Variants in ST6GALNAC3 observed in about 807,000 individuals in gnomAD.
ST6GALNAC3 encodes the protein alpha-N-acetylgalactosaminide alpha-2,6-sialyltransferase 3.
ST6GALNAC3 carries 25 observed loss-of-function variants against 32.7 expected under a neutral mutation model. That is an observed-to-expected ratio of 0.76 (90% CI 0.56 to 1.07). ST6GALNAC3 has a LOEUF of 1.07. Among genes scored for constraint, ST6GALNAC3 ranks in the 50% least tolerant of loss-of-function variants. ST6GALNAC3 has a pLI of 0.00. For missense variants in ST6GALNAC3, 355 were observed against 382.4 expected, an observed-to-expected ratio of 0.93 and a Z score of 0.60; for synonymous variants, 129 against 133.1, an observed-to-expected ratio of 0.97 and a Z score of 0.21.
At position 76,629,585 on chromosome 1, in the gene ST6GALNAC3, T is replaced by C; in HGVS notation, c.*779T>C. On this transcript the variant is annotated 3_prime_UTR_variant, in exon 5 of 5. Coordinates refer to ENST00000328299, the MANE Select transcript of ST6GALNAC3 (RefSeq NM_152996.4). ...TAGTTATTTTTGGTTGAGTGCTAAA[T>C]ATTTCAGAAGGCTACTTAACATGTA... The C allele has an allele frequency of 2.0e-6, 2 of 984,632 alleles. No individual in the cohort carries two copies. Among genetic ancestry groups the C allele is most frequent in the East Asian group, 1.1e-4 (1 of 8,800 alleles). The allele number at this position is 984,632 out of a possible 1,614,324, so 61.0% of individuals were successfully genotyped here. A position where few individuals can be genotyped will look rare whatever the true frequency, so the allele number is the denominator to read the frequency against.
intron 2 of ST6GALNAC3, among the ~76,000 whole-genome samples, chr1:76,349,819 T>A (rs913080280): frequency 4.6e-5 from 7 of 152,192 alleles, no homozygotes; most frequent in Admixed American, 2.0e-4. Context: ...TCTTTCTAGG[T>A]TTAAATAACA....
At chr1:76,077,200 G>A (rs1646828892) in intron 1 of ST6GALNAC3, among the ~76,000 whole-genome samples, 1 of 151,960 alleles carries the variant, frequency 6.6e-6, no homozygotes, top group Non-Finnish European at 1.5e-5. Flanking sequence ...CCTTGTTGAA[G>A]TGTTCATAGA....
At position 76,629,036 on chromosome 1, in the gene ST6GALNAC3, C is replaced by T. The variant is rs1026558562; in HGVS notation, c.*230C>T. 71 of 1,287,000 alleles carry T rather than the reference C, an allele frequency of 5.5e-5. No individual in the cohort carries two copies. The highest frequency in any genetic ancestry group is 6.2e-5 in the Non-Finnish European group (63 of 1,020,278). 79.7% of individuals were successfully genotyped at this position (1,287,000 alleles called of 1,614,324 possible). A position where few individuals can be genotyped will look rare whatever the true frequency, so the allele number is the denominator to read the frequency against. On this transcript the variant is annotated 3_prime_UTR_variant, in exon 5 of 5. Transcript: ENST00000328299. ...TTTCTGGAGGTTCAACACTACGTAC[C>T]GCACTTTATAATTTAACTGGAATTG...
intron 1 of ST6GALNAC3, among the ~76,000 whole-genome samples, chr1:76,196,218 G>A (rs2100522902): frequency 6.6e-6 from 1 of 152,278 alleles, no homozygotes; most frequent in Non-Finnish European, 1.5e-5. Context: ...TTACACTTCA[G>A]TCAGCAGCAG....
intron 1 of ST6GALNAC3, among the ~76,000 whole-genome samples, chr1:76,282,728 C>T (rs1055162838): frequency 3.3e-5 from 5 of 151,992 alleles, no homozygotes; most frequent in Admixed American, 6.6e-5. Flanking sequence ...GTATAAAACC[C>T]ATAGAAGTGT....
chr1:76,619,510 C>T (rs1379415472), intron 3 of ST6GALNAC3, among the ~76,000 whole-genome samples: 2 of 152,080 alleles, frequency 1.3e-5, no homozygotes, highest in Non-Finnish European at 2.9e-5. Context: ...GTTTACATTT[C>T]ATTCTCAACT....
chr1:76,500,168 C>T (rs1661094933), intron 3 of ST6GALNAC3, among the ~76,000 whole-genome samples: 2 of 152,072 alleles, frequency 1.3e-5, no homozygotes, highest in Admixed American at 1.3e-4. Flanking sequence ...TATCATATAA[C>T]CTATTACTTC....
In ST6GALNAC3 at chr1:76,287,843, A is replaced by G. The variant is rs118048653; in HGVS notation, c.19-25962A>G. ...TAGTACAGTTAGCAACACTCTTCTA[A>G]GTGTGCCACATTTAATTTGGGGTGA... On this transcript the variant is annotated intron_variant, in intron 1 of 4. Transcript: ENST00000328299. Among the ~76,000 whole-genome samples, 207 of 152,322 alleles carry G rather than the reference A, an allele frequency of 1.4e-3. 2 individuals are homozygous for G. The East Asian group carries it at 0.024, about 18-fold the overall frequency.
intron 3 of ST6GALNAC3, among the ~76,000 whole-genome samples, chr1:76,486,130 T>A (rs1487383841): frequency 2.0e-5 from 3 of 152,172 alleles, no homozygotes; most frequent in African/African-American, 7.2e-5. Context: ...TGCTAAGGAG[T>A]GCTTTACTTC....
chr1:76,128,919 G>C (rs1052114032), intron 1 of ST6GALNAC3, among the ~76,000 whole-genome samples: 2 of 152,180 alleles, frequency 1.3e-5, no homozygotes, highest in Non-Finnish European at 2.9e-5. Flanking sequence ...AATACTTGAT[G>C]TACACACAGC....
In ST6GALNAC3 at chr1:76,254,896, G is replaced by A. The variant is rs139517006; in HGVS notation, c.19-58909G>A. On this transcript the variant is annotated intron_variant, in intron 1 of 4. Transcript: ENST00000328299. The stretch of plus-strand genomic sequence containing the variant: ...CAACTTGAGCAGGAACAATGAAACA[G>A]CAAGTGCAAAAAATGATTGGTTAAC... Among the ~76,000 whole-genome samples the A allele has an allele frequency of 7.3e-4, 111 of 152,124 alleles. 1 individual carries two copies. The highest frequency in any genetic ancestry group is 2.6e-3 in the African/African-American group (109 of 41,520).
intron 1 of ST6GALNAC3, among the ~76,000 whole-genome samples, chr1:76,289,468 A>G (rs1659955249): frequency 6.6e-6 from 1 of 152,238 alleles, no homozygotes; most frequent in African/African-American, 2.4e-5. Flanking sequence ...AGTATGGAAT[A>G]GTTAGCTTAC....
intron 3 of ST6GALNAC3, among the ~76,000 whole-genome samples, chr1:76,547,284 C>T (rs1300410468): frequency 1.3e-5 from 2 of 152,160 alleles, no homozygotes; most frequent in Non-Finnish European, 2.9e-5. Flanking sequence ...CATTCCTTAG[C>T]GCCCCGTGAG....
chr1:76,274,955 C>T (rs1232659632), intron 1 of ST6GALNAC3, among the ~76,000 whole-genome samples: 1 of 152,168 alleles, frequency 6.6e-6, no homozygotes, highest in Non-Finnish European at 1.5e-5. Context: ...TCTGAGACTG[C>T]AATAAATGGA....
intron 2 of ST6GALNAC3, among the ~76,000 whole-genome samples, chr1:76,391,522 ACCTTCCTTCCTTCCTTCCTTCCTTCCTT>A (rs71071997): frequency 5.1e-5 from 7 of 137,620 alleles, no homozygotes; most frequent in South Asian, 2.5e-4. Context: ...ATTAGGAAAG[ACCTTCCTTCCTTCCTTCCTTCCTTCCTT>A]CCTTCCTTCC....
At chr1:76,560,693 G>C (rs543293324) in intron 3 of ST6GALNAC3, among the ~76,000 whole-genome samples, 2 of 152,292 alleles carry the variant, frequency 1.3e-5, no homozygotes, top group East Asian at 3.9e-4. Flanking sequence ...GCAAACACTG[G>C]TGAAGATGTG....
intron 3 of ST6GALNAC3, among the ~76,000 whole-genome samples, chr1:76,622,901 A>C (rs1018645512): frequency 3.3e-5 from 5 of 151,910 alleles, no homozygotes; most frequent in African/African-American, 1.2e-4. Context: ...ACTCAGTTAG[A>C]AGGCTCCAGC....
chr1:76,339,721 G>C (rs1647799689), intron 2 of ST6GALNAC3, among the ~76,000 whole-genome samples: 1 of 152,064 alleles, frequency 6.6e-6, no homozygotes, highest in South Asian at 2.1e-4. Context: ...ACTTGGGAGA[G>C]AGCAGTGGAC....
chr1:76,568,130 G>A (rs1665656404), intron 3 of ST6GALNAC3, among the ~76,000 whole-genome samples: 1 of 152,208 alleles, frequency 6.6e-6, no homozygotes, highest in Non-Finnish European at 1.5e-5. Context: ...GCATTAGCCA[G>A]TTCCTTGTCT....
Sources: gnomAD v4.1 joint callset for allele counts (sites outside exome capture counted in the v4.1 genomes callset) on GRCh38, gnomAD v4.1.1 for gene constraint, MANE v1.5 for transcripts, NCBI Gene and HGNC (gene_info 2026-07-23, HGNC 2026-07-21) for gene names.